LAMP1: variants seen among roughly 807,000 people sequenced by gnomAD.
LAMP1 encodes lysosome associated membrane protein 1.
In LAMP1, 7 loss-of-function variants were observed where a neutral mutation model predicts 37.5. The ratio of observed to expected loss-of-function variants is 0.19; its 90% CI spans 0.11 to 0.35. The LOEUF is 0.35. Ranked by LOEUF, LAMP1 falls within the 10% of genes least tolerant of loss-of-function variation. The pLI is 1.00. For missense variants in LAMP1, 537 were observed against 552.8 expected (o/e 0.97, Z 0.29); for synonymous variants, 236 against 229.1 (o/e 1.03, Z -0.27).
In LAMP1 at chr13:113,309,789, T is replaced by G. The variant is rs768991422; in HGVS notation, c.330T>G (p.Arg110=). ...LTLNFTRNAT[R]YSVQLMSFVY... ...TCAATTTCACGAGAAATGCAACACG[T>G]TACAGCGTCCAGCTCATGAGTTTTG... Residue 110 remains arginine, a synonymous_variant, in exon 3 of 9, where the codon CGT becomes CGG. Coordinates refer to ENST00000332556, the MANE Select transcript of LAMP1 (RefSeq NM_005561.4). The G allele has an allele frequency of 3.1e-6, 5 of 1,614,060 alleles. No individual in the cohort carries two copies. The Admixed American group carries it at 8.3e-5, about 27-fold the overall frequency.
intron 4 of LAMP1, among the ~76,000 whole-genome samples, chr13:113,316,648 C>T (rs1238468474): frequency 6.6e-6 from 1 of 152,098 alleles, no homozygotes; most frequent in South Asian, 2.1e-4. Context: ...GTCTTGATCT[C>T]CTGACCTCGT....
intron 4 of LAMP1, among the ~76,000 whole-genome samples, chr13:113,317,905 G>C (rs1311605751): frequency 6.6e-6 from 1 of 152,180 alleles, no homozygotes; most frequent in East Asian, 1.9e-4. Context: ...GCCCAGGCTG[G>C]CCTTGAACTC....
At chr13:113,319,137 A>G (rs1198484778) in intron 4 of LAMP1, among the ~76,000 whole-genome samples, 1 of 152,152 alleles carries the variant, frequency 6.6e-6, no homozygotes, top group African/African-American at 2.4e-5. Flanking sequence ...CACTTTAGGA[A>G]GAGGGTGGCA....
At position 113,301,636 on chromosome 13, in the gene LAMP1, AAAAAAAAAATATATATATATAT is replaced by A. The variant is rs1481630990; in HGVS notation, c.61+4143_61+4164del. Among the ~76,000 whole-genome samples, 37 of 24,776 alleles carry A rather than the reference AAAAAAAAAATATATATATATAT, an allele frequency of 1.5e-3. 2 individuals carry two copies. The highest frequency in any genetic ancestry group is 3.1e-3 in the African/African-American group (28 of 9,146). 16.3% of individuals were successfully genotyped at this position (24,776 alleles called of 152,430 possible). A position where few individuals can be genotyped will look rare whatever the true frequency, so the allele number is the denominator to read the frequency against. ...AGACTCTGTTTCCATTTAAAAAAAA[AAAAAAAAAATATATATATATAT>A]ATATATATATATATATATATATATA... On this transcript the variant is annotated intron_variant, in intron 1 of 8. Coordinates refer to ENST00000332556, the MANE Select transcript of LAMP1 (RefSeq NM_005561.4).
At chr13:113,298,593 G>C (rs1011864052) in intron 1 of LAMP1, among the ~76,000 whole-genome samples, 1 of 152,172 alleles carries the variant, frequency 6.6e-6, no homozygotes, top group African/African-American at 2.4e-5. Context: ...CTGTTACTGT[G>C]AGTGAATGGA....
chr13:113,306,832 T>TC (rs1203413738), intron 2 of LAMP1, among the ~76,000 whole-genome samples: 3 of 120,512 alleles, frequency 2.5e-5, no homozygotes, highest in African/African-American at 9.0e-5. Flanking sequence ...ATGAACATTT[T>TC]CCTTTTTTTT....
chr13:113,303,631 C>T (rs1388909024), intron 1 of LAMP1, among the ~76,000 whole-genome samples: 1 of 152,000 alleles, frequency 6.6e-6, no homozygotes, highest in East Asian at 1.9e-4. Context: ...TGCTGATGCT[C>T]TTATTTTCTT....
chr13:113,315,014 C>G (rs567507007), intron 4 of LAMP1, among the ~76,000 whole-genome samples: 1 of 110,718 alleles, frequency 9.0e-6, no homozygotes, highest in African/African-American at 3.8e-5. Flanking sequence ...TGGAGATGCC[C>G]GTGTGCCTGG....
intron 4 of LAMP1, among the ~76,000 whole-genome samples, chr13:113,314,199 C>T (rs1174468564): frequency 9.1e-5 from 9 of 98,842 alleles, no homozygotes; most frequent in African/African-American, 2.8e-4. Flanking sequence ...TGGAGATGCC[C>T]GTGTGCCTGG....
chr13:113,306,602 C>T lies in LAMP1; in HGVS notation c.179C>T (p.Pro60Leu). ...FSVNYDTKSG[P>L]KNMTFDLPSD... is the part of the protein sequence containing the mutation. ...GTGAACTACGACACCAAGAGTGGCC[C>T]TAAGGTAGGAAACACCAGGGCACTT... Residue 60 changes from proline (P) to leucine (L), a missense_variant, in exon 2 of 9, where the codon CCT (proline) becomes CTT (leucine). By Grantham distance (98) the Pro-to-Leu change is moderately conservative. Coordinates refer to ENST00000332556, the MANE Select transcript of LAMP1 (RefSeq NM_005561.4). 1 of 1,613,244 alleles carries T rather than the reference C, an allele frequency of 6.2e-7. No homozygotes were observed. Among genetic ancestry groups the T allele is most frequent in the Non-Finnish European group, 8.5e-7 (1 of 1,179,678 alleles).
At chr13:113,299,387 C>T (rs1204784828) in intron 1 of LAMP1, among the ~76,000 whole-genome samples, 1 of 151,064 alleles carries the variant, frequency 6.6e-6, no homozygotes, top group Non-Finnish European at 1.5e-5. Context: ...GCCTCAGCTT[C>T]CTGAGTAGCT....
intron 1 of LAMP1, chr13:113,305,351 G>T (rs1322003285): frequency 2.0e-5 from 3 of 152,234 alleles, no homozygotes; most frequent in Non-Finnish European, 2.9e-5. Context: ...ACAAGTGAAA[G>T]CATGTCATTT....
rs201021547 is a variant in LAMP1 at position 113,321,420 on chromosome 13, G to A, written c.893G>A (p.Arg298Gln). Residue 298 changes from arginine to glutamine, a missense_variant, in exon 7 of 9, where the codon CGG becomes CAG. Coordinates refer to ENST00000332556, the MANE Select transcript of LAMP1 (RefSeq NM_005561.4). The surrounding 1 kb of genome is among the most constrained non-coding windows in gnomAD (Gnocchi z 5.6). ...CTTTTTAAGAATGCAAGTTCTAGCC[G>A]GTTTTTCCTACAAGGAATCCAGTTG... Reference protein sequence around the residue: ...FQFGMNASSSRFFLQGIQLNT... With the variant: ...FQFGMNASSSQFFLQGIQLNT... 73 of 1,613,718 alleles carry A rather than the reference G, an allele frequency of 4.5e-5. No homozygotes were observed. Among genetic ancestry groups the A allele is most frequent in the Admixed American group, 1.5e-4 (9 of 59,980 alleles).
chr13:113,317,251 G>C (rs766947982), intron 4 of LAMP1, among the ~76,000 whole-genome samples: 2 of 152,106 alleles, frequency 1.3e-5, no homozygotes, highest in Non-Finnish European at 2.9e-5. Flanking sequence ...ATCTCCCCCC[G>C]GGCAGCGCAG....
intron 1 of LAMP1, among the ~76,000 whole-genome samples, chr13:113,300,015 T>C (rs1480245394): frequency 6.6e-6 from 1 of 152,264 alleles, no homozygotes; most frequent in African/African-American, 2.4e-5. Context: ...AATTAGGCAT[T>C]GTTTAAAGCT....
chr13:113,297,383 C>A lies in LAMP1; in HGVS notation c.-52C>A, dbSNP rs188339460. On this transcript the variant is annotated 5_prime_UTR_variant, in exon 1 of 9. Coordinates refer to ENST00000332556, the MANE Select transcript of LAMP1 (RefSeq NM_005561.4). The surrounding 1 kb of genome is among the most constrained non-coding windows in gnomAD (Gnocchi z 4.4). ...CCGCAGCGCCCGGCAGTCCGCGGCC[C>A]AACCGCCGCCCGCGCCCCCGCTCCC... The A allele has an allele frequency of 0.031, 14,419 of 469,894 alleles. 1,673 individuals are homozygous for A. Among genetic ancestry groups the A allele is most frequent in the African/African-American group, 0.26 (12,629 of 47,906 alleles). The allele number at this position is 469,894 out of a possible 1,614,324, so 29.1% of individuals were successfully genotyped here. A position where few individuals can be genotyped will look rare whatever the true frequency, so the allele number is the denominator to read the frequency against.
chr13:113,320,523 C>T lies in LAMP1; in HGVS notation c.876+53C>T. ...GGCGCCCACTGTGTCTCCACCACAT[C>T]TTTTTGTGCCCTGGGTCTGCTCATG... On this transcript the variant is annotated intron_variant, in intron 6 of 8. Coordinates refer to ENST00000332556, the MANE Select transcript of LAMP1 (RefSeq NM_005561.4). This position sits in a 1 kb window ranked among gnomAD's most constrained non-coding sequence, Gnocchi z 4.4. The T allele has an allele frequency of 6.3e-7, 1 of 1,581,142 alleles. No homozygotes were observed. The highest frequency in any genetic ancestry group is 1.1e-5 in the South Asian group (1 of 90,504).
At chr13:113,315,492 C>T (rs537137838) in intron 4 of LAMP1, among the ~76,000 whole-genome samples, 57 of 143,762 alleles carry the variant, frequency 4.0e-4, no homozygotes, top group African/African-American at 1.4e-3. Context: ...CGGGTTCAAG[C>T]GATTCTCCTC....
chr13:113,303,541 C>T (rs1226631071), intron 1 of LAMP1, among the ~76,000 whole-genome samples: 1 of 151,252 alleles, frequency 6.6e-6, no homozygotes, highest in Non-Finnish European at 1.5e-5. Flanking sequence ...TTTTTGCTAC[C>T]CAGTTGCCAC....
Sources: gnomAD v4.1 joint callset for allele counts (sites outside exome capture counted in the v4.1 genomes callset) on GRCh38, gnomAD v4.1.1 for gene constraint, Gnocchi (gnomAD v3.1) non-coding constraint, MANE v1.5 for transcripts, NCBI Gene and HGNC (gene_info 2026-07-23, HGNC 2026-07-21) for gene names.